Variants in CAST observed in about 807,000 individuals in gnomAD.
CAST encodes the protein MIR583 host.
CAST carries 76 observed loss-of-function variants against 119.6 expected under a neutral mutation model. That is an observed-to-expected ratio of 0.64 (90% CI 0.53 to 0.77). CAST has a LOEUF of 0.77. Among genes scored for constraint, CAST ranks in the 30% least tolerant of loss-of-function variants. The pLI is 0.00. For missense variants in CAST, 953 were observed against 946.5 expected, an observed-to-expected ratio of 1.01 and a Z score of -0.09; for synonymous variants, 319 against 331.6, an observed-to-expected ratio of 0.96 and a Z score of 0.41.
At chr5:96,225,533 A>G in the CAST span, among the ~76,000 whole-genome samples, 1 of 152,202 alleles carries the variant, frequency 6.6e-6, no homozygotes, top group African/African-American at 2.4e-5. Flanking sequence ...GTTGGGGGGC[A>G]TTGGGTTTAT....
At chr5:96,566,001 C>T (rs1746461690) in intron 1 of CAST, among the ~76,000 whole-genome samples, 1 of 152,194 alleles carries the variant, frequency 6.6e-6, no homozygotes, top group African/African-American at 2.4e-5. Context: ...GGCGGAGAAT[C>T]ATCAGCCCTA....
the CAST span, among the ~76,000 whole-genome samples, chr5:96,188,935 G>A: frequency 6.6e-6 from 1 of 152,074 alleles, no homozygotes; most frequent in African/African-American, 2.4e-5. Context: ...TAGAACTTAT[G>A]TTTTTGTACA....
the CAST span, among the ~76,000 whole-genome samples, chr5:95,997,267 TTATC>T: frequency 6.6e-6 from 1 of 152,158 alleles, no homozygotes; most frequent in African/African-American, 2.4e-5. Flanking sequence ...GAGGGTGTCT[TTATC>T]TAGAACTTTA....
the CAST span, among the ~76,000 whole-genome samples, chr5:96,333,182 G>A: frequency 1.3e-5 from 2 of 151,868 alleles, no homozygotes; most frequent in African/African-American, 4.8e-5. Context: ...CAGGGGCAGG[G>A]GCTTGGGGCT....
chr5:96,465,228 T>C, the CAST span, among the ~76,000 whole-genome samples: 1 of 152,044 alleles, frequency 6.6e-6, no homozygotes, highest in Non-Finnish European at 1.5e-5. Flanking sequence ...ACAAATAAAA[T>C]TGAATTTTGT....
the CAST span, among the ~76,000 whole-genome samples, chr5:96,156,461 T>G: frequency 6.6e-6 from 1 of 152,212 alleles, no homozygotes; most frequent in Non-Finnish European, 1.5e-5. Flanking sequence ...TAAAATTACA[T>G]GCATCTCTTT....
At position 96,750,582 on chromosome 5, in the gene CAST, C is replaced by T. The variant is rs1764794123; in HGVS notation, c.1429-5C>T. 3 of 1,604,050 alleles carry T rather than the reference C, an allele frequency of 1.9e-6. No homozygotes were observed. The highest frequency in any genetic ancestry group is 1.7e-6 in the Non-Finnish European group (2 of 1,171,362). On this transcript the variant is annotated splice_polypyrimidine_tract_variant and splice_region_variant and intron_variant, in intron 19 of 31. Coordinates refer to ENST00000675179, the MANE Select transcript of CAST (RefSeq NM_001750.7). ...CTTATTGAGAGTACTTGTGTCTTTC[C>T]TCAGGAATCTAAGGCCGCTGCTCCA...
At chr5:96,429,476 A>T in the CAST span, among the ~76,000 whole-genome samples, 6 of 152,156 alleles carry the variant, frequency 3.9e-5, no homozygotes, top group Non-Finnish European at 5.9e-5. Flanking sequence ...TTTTAAGTTC[A>T]GCAGTACAAG....
the CAST span, among the ~76,000 whole-genome samples, chr5:96,314,008 A>G: frequency 2.5e-3 from 384 of 152,256 alleles, no homozygotes; most frequent in African/African-American, 9.0e-3. Flanking sequence ...CATTAATCCT[A>G]AATTACAAGT....
the CAST span, among the ~76,000 whole-genome samples, chr5:96,467,405 T>C: frequency 0.053 from 8,086 of 152,178 alleles, 275 homozygotes; most frequent in Non-Finnish European, 0.075. Flanking sequence ...ACTTCCCCTA[T>C]ACTGAGATTA....
At chr5:96,111,325 T>C in the CAST span, among the ~76,000 whole-genome samples, 1 of 152,208 alleles carries the variant, frequency 6.6e-6, no homozygotes, top group African/African-American at 2.4e-5. Context: ...ATGCATCACC[T>C]TCCTGGCAAG....
chr5:95,966,555 T>C, the CAST span, among the ~76,000 whole-genome samples: 13 of 152,142 alleles, frequency 8.5e-5, no homozygotes, highest in South Asian at 2.7e-3. Flanking sequence ...TTTCTCTTTC[T>C]AGAAGAGTCT....
intron 3 of CAST, among the ~76,000 whole-genome samples, chr5:96,718,555 A>G (rs1210023520): frequency 4.6e-5 from 7 of 152,078 alleles, no homozygotes; most frequent in Non-Finnish European, 8.8e-5. Flanking sequence ...TAAAAAAAAA[A>G]AGAATACAGA....
intron 1 of CAST, among the ~76,000 whole-genome samples, chr5:96,632,315 T>C (rs1747831834): frequency 6.6e-6 from 1 of 151,282 alleles, no homozygotes; most frequent in East Asian, 1.9e-4. Context: ...TCTCACTTTC[T>C]TGACAGTGTC....
At chr5:96,156,351 A>G in the CAST span, among the ~76,000 whole-genome samples, 2 of 152,194 alleles carry the variant, frequency 1.3e-5, no homozygotes, top group Non-Finnish European at 2.9e-5. Context: ...ACTGATTGGA[A>G]TGTATCTGTA....
the CAST span, among the ~76,000 whole-genome samples, chr5:96,303,898 C>A: frequency 3.9e-5 from 6 of 152,056 alleles, no homozygotes; most frequent in Admixed American, 2.0e-4. Context: ...TGAACAGTGC[C>A]ACAATAAACA....
the CAST span, among the ~76,000 whole-genome samples, chr5:96,178,668 G>A: frequency 6.6e-6 from 1 of 152,154 alleles, no homozygotes; most frequent in Admixed American, 6.6e-5. Flanking sequence ...GGAGAGCCTT[G>A]TTTGTTATGG....
At chr5:96,495,393 G>C in the CAST span, among the ~76,000 whole-genome samples, 1 of 151,898 alleles carries the variant, frequency 6.6e-6, no homozygotes, top group African/African-American at 2.4e-5. Context: ...GCATTAGGTA[G>C]TTGTCCTAAT....
intron 1 of CAST, among the ~76,000 whole-genome samples, chr5:96,589,557 GA>G (rs765347449): frequency 2.0e-5 from 3 of 152,062 alleles, no homozygotes; most frequent in Middle Eastern, 3.2e-3. Flanking sequence ...TCCATTTGGA[GA>G]TGGAACATAT....
Sources: gnomAD v4.1 joint callset for allele counts (sites outside exome capture counted in the v4.1 genomes callset) on GRCh38, gnomAD v4.1.1 for gene constraint, MANE v1.5 for transcripts, NCBI Gene and HGNC (gene_info 2026-07-23, HGNC 2026-07-21) for gene names.